SHLD2: variants seen among roughly 807,000 people sequenced by gnomAD.
SHLD2 encodes the protein RINN1-REV7-interacting novel NHEJ regulator 2.
In SHLD2, 30 loss-of-function variants were observed where a neutral mutation model predicts 73.2. The observed-to-expected ratio is 0.41, with a 90% confidence interval of 0.31 to 0.56. The LOEUF (loss-of-function observed/expected upper bound fraction) is 0.56, where lower values mean the gene tolerates loss of function less well. SHLD2 is among the 20% of genes least tolerant of loss of function. The pLI is 0.28. For synonymous variants in SHLD2, 285 were observed against 370.1 expected (o/e 0.77, Z 2.64); for missense variants, 745 against 1,055.9 (o/e 0.71, Z 4.08).
At chr10:87,097,657 ATT>A in intron 2 of SHLD2, among the ~76,000 whole-genome samples, 1 of 150,196 alleles carries the variant, frequency 6.7e-6, no homozygotes, top group East Asian at 1.9e-4. Context: ...GGAAATTACT[ATT>A]TTTTTTTTAA....
rs1484106845 is a variant in SHLD2 at position 87,187,002 on chromosome 10, G to A, written c.2400-83G>A. 4 of 873,866 alleles carry A rather than the reference G, an allele frequency of 4.6e-6. No homozygotes were observed. The African/African-American group carries it at 5.1e-5, about 11-fold the overall frequency. 54.1% of individuals were successfully genotyped at this position (873,866 alleles called of 1,614,324 possible). On this transcript the variant is annotated intron_variant, in intron 8 of 9. Coordinates refer to ENST00000298786, the MANE Select transcript of SHLD2 (RefSeq NM_001330112.2). ...AATTAATCCTGCATAAAAACCAAGT[G>A]CTTTTTGGAATTATTTTTCATTTAA... is the stretch of plus-strand genomic sequence containing the variant.
intron 8 of SHLD2, among the ~76,000 whole-genome samples, chr10:87,180,614 C>T (rs1400117468): frequency 6.6e-6 from 1 of 152,150 alleles, no homozygotes; most frequent in Non-Finnish European, 1.5e-5. Flanking sequence ...AACTCATTTT[C>T]CCACCTTAAC....
chr10:87,167,252 T>C (rs1245150165), intron 4 of SHLD2, among the ~76,000 whole-genome samples: 1 of 152,234 alleles, frequency 6.6e-6, no homozygotes, highest in Non-Finnish European at 1.5e-5. Flanking sequence ...TGTAGAATTA[T>C]GTGAAAAATC....
Position 87,187,099 on chromosome 10 carries a change from C to G in SHLD2, c.2414C>G (p.Thr805Ser). 14 of 1,611,158 alleles carry G rather than the reference C, an allele frequency of 8.7e-6. No homozygotes were observed. The highest frequency in any genetic ancestry group is 1.1e-5 in the Non-Finnish European group (13 of 1,177,528). Reference protein sequence around the residue: ...KKIYYRPALMTAIDGRHDVCI... With the variant: ...KKIYYRPALMSAIDGRHDVCI... ...CTCTTTTGTAGGCCAGCGTTAATGA[C>G]TGCCATTGATGGAAGACATGATGTT... Residue 805 changes from threonine (T) to serine (S), a missense_variant, in exon 9 of 10, where the codon ACT becomes AGT. Transcript: ENST00000298786.
rs942541465 is a variant in SHLD2 at position 87,097,297 on chromosome 10, A to T, written c.-6+308A>T. The stretch of plus-strand genomic sequence containing the variant: ...GGAATTGGGCCTAAGGAGGTGGCTC[A>T]CGCCTGTAATCCCAGCACTTTAGGA... On this transcript the variant is annotated intron_variant, in intron 2 of 9. Transcript: ENST00000298786. 3.3e-5 allele frequency among the ~76,000 whole-genome samples: 5 copies of T among 152,336 alleles called. No homozygotes were observed. The South Asian group carries it at 1.0e-3, about 32-fold the overall frequency.
chr10:87,096,024 GTA>G lies in SHLD2; in HGVS notation c.-62+780_-62+781del, dbSNP rs1841842490. Among the ~76,000 whole-genome samples the G allele has an allele frequency of 3.9e-5, 6 of 152,344 alleles. No individual in the cohort carries two copies. In the South Asian group the frequency reaches 1.2e-3, roughly 32 times the overall value. On this transcript the variant is annotated intron_variant, in intron 1 of 9. Transcript: ENST00000298786. ...ATATATGTATTTGTTAAATGGTTCA[GTA>G]TATGATTTATTTTTTATTTTATTTA...
intron 2 of SHLD2, among the ~76,000 whole-genome samples, chr10:87,124,623 A>G (rs1389048217): frequency 1.3e-5 from 2 of 152,170 alleles, no homozygotes; most frequent in Admixed American, 1.3e-4. Flanking sequence ...ACTGATGACC[A>G]TGTGTCTCTG....
In SHLD2 at chr10:87,151,734, G is replaced by C; in HGVS notation, c.380G>C (p.Ser127Thr). The stretch of plus-strand genomic sequence containing the variant: ...AATATGCAAATATGTGGATTTAAAA[G>C]CACAGTTCCGCATTTCACCGAAGAA... The part of the protein sequence containing the change: ...SSNMQICGFK[S>T]TVPHFTEEEK... Residue 127 changes from serine to threonine, a missense_variant, in exon 3 of 10, where the codon AGC (serine) becomes ACC (threonine). Physicochemically the swap from Ser to Thr is moderately conservative, Grantham distance 58. Transcript: ENST00000298786. The C allele has an allele frequency of 6.2e-7, 1 of 1,611,916 alleles. No individual in the cohort carries two copies. Among genetic ancestry groups the C allele is most frequent in the Non-Finnish European group, 8.5e-7 (1 of 1,179,840 alleles).
intron 2 of SHLD2, among the ~76,000 whole-genome samples, chr10:87,110,106 T>C (rs944554076): frequency 6.7e-6 from 1 of 150,134 alleles, no homozygotes; most frequent in South Asian, 2.1e-4. Context: ...CTAGGCAACA[T>C]AGTGAGACCC....
At chr10:87,143,620 C>CTAA (rs1245042173) in intron 2 of SHLD2, among the ~76,000 whole-genome samples, 2 of 152,082 alleles carry the variant, frequency 1.3e-5, no homozygotes, top group African/African-American at 2.4e-5. Flanking sequence ...CAATGTTTCC[C>CTAA]TTTACCTGTT....
chr10:87,096,241 C>T (rs1437326810), intron 1 of SHLD2, among the ~76,000 whole-genome samples: 1 of 151,976 alleles, frequency 6.6e-6, no homozygotes, highest in Non-Finnish European at 1.5e-5. Context: ...GACGGGGTTT[C>T]GCTGTGCTGG....
intron 4 of SHLD2, among the ~76,000 whole-genome samples, chr10:87,163,809 T>TACAGAA (rs1846992073): frequency 2.0e-5 from 3 of 150,898 alleles, no homozygotes; most frequent in Non-Finnish European, 4.4e-5. Context: ...TAGGCATGTG[T>TACAGAA]ATATGGGTGG....
chr10:87,129,091 G>C (rs1844246598), intron 2 of SHLD2, among the ~76,000 whole-genome samples: 1 of 151,318 alleles, frequency 6.6e-6, no homozygotes, highest in South Asian at 2.1e-4. Context: ...TTTTTGTTTT[G>C]TTTTGTTTTG....
chr10:87,165,664 C>A (rs1847147678), intron 4 of SHLD2, among the ~76,000 whole-genome samples: 7 of 151,816 alleles, frequency 4.6e-5, no homozygotes, highest in Non-Finnish European at 1.5e-5. Context: ...TAGAGGAGAC[C>A]AAAGAGAAAT....
chr10:87,174,020 C>T (rs1468588490), intron 6 of SHLD2, among the ~76,000 whole-genome samples: 1 of 152,138 alleles, frequency 6.6e-6, no homozygotes, highest in African/African-American at 2.4e-5. Context: ...CAGAACCTTT[C>T]TTGAGGATAA....
At chr10:87,136,193 C>T (rs1844786892) in intron 2 of SHLD2, among the ~76,000 whole-genome samples, 1 of 151,780 alleles carries the variant, frequency 6.6e-6, no homozygotes, top group Admixed American at 6.6e-5. Flanking sequence ...CAAGTTGTTC[C>T]AGCTTTGGCC....
rs58685691 is a variant in SHLD2 at position 87,169,683 on chromosome 10, A to G, written c.1634-795A>G. 0.02 allele frequency among the ~76,000 whole-genome samples: 3,045 copies of G among 151,274 alleles called. 212 individuals carry two copies. The East Asian group carries it at 0.24, about 12-fold the overall frequency. Reference sequence around the variant, plus strand: ...TTGTCTTACCTTCAGAGAAATTAAAATTTAATCAGCAAAACTCATCAGCCT... The same window carrying G: ...TTGTCTTACCTTCAGAGAAATTAAAGTTTAATCAGCAAAACTCATCAGCCT... On this transcript the variant is annotated intron_variant, in intron 4 of 9. Transcript: ENST00000298786.
At chr10:87,121,830 T>C (rs1401194975) in intron 2 of SHLD2, among the ~76,000 whole-genome samples, 2 of 149,900 alleles carry the variant, frequency 1.3e-5, no homozygotes, top group Non-Finnish European at 3.0e-5. Flanking sequence ...AGTGGTGTGA[T>C]CTCGGCTCAC....
intron 2 of SHLD2, among the ~76,000 whole-genome samples, chr10:87,134,725 C>T (rs945692894): frequency 6.6e-6 from 1 of 152,192 alleles, no homozygotes; most frequent in African/African-American, 2.4e-5. Flanking sequence ...ATGCTGCAGG[C>T]AGGGGAAGAG....
Sources: gnomAD v4.1 joint callset for allele counts (sites outside exome capture counted in the v4.1 genomes callset) on GRCh38, gnomAD v4.1.1 for gene constraint, MANE v1.5 for transcripts, NCBI Gene and HGNC (gene_info 2026-07-23, HGNC 2026-07-21) for gene names.